SLC17A9: variants seen among roughly 807,000 people sequenced by gnomAD.
The protein encoded by SLC17A9 is voltage-gated purine nucleotide uniporter SLC17A9.
A neutral mutation model predicts 55.0 loss-of-function variants in SLC17A9; 49 were observed. The ratio of observed to expected loss-of-function variants is 0.89; its 90% CI spans 0.71 to 1.13. The LOEUF (loss-of-function observed/expected upper bound fraction) is 1.13, where lower values mean the gene tolerates loss of function less well. SLC17A9 is among the 50% of genes most tolerant of loss of function. The pLI is 0.00. For synonymous variants in SLC17A9, 256 were observed against 247.4 expected (o/e 1.03, Z -0.32); for missense variants, 526 against 569.3 (o/e 0.92, Z 0.77).
chr20:62,967,691 G>A lies in SLC17A9; in HGVS notation c.*191G>A, dbSNP rs910937. 3,413 of 577,940 alleles carry A rather than the reference G, an allele frequency of 5.9e-3. 124 individuals are homozygous for A. In the African/African-American group the frequency reaches 0.062, roughly 10 times the overall value. 35.8% of individuals were successfully genotyped at this position (577,940 alleles called of 1,614,324 possible). ...GGAGGGTGGGGTGGGCCTGGGTCCA[G>A]ACCAGGCTCGCTGCTCTCTGGGCCT... On this transcript the variant is annotated 3_prime_UTR_variant, in exon 13 of 13. Transcript: ENST00000370351.
intron 5 of SLC17A9, 67 bp from the exon 6 acceptor site, chr20:62,963,206 A>G: frequency 6.5e-7 from 1 of 1,536,104 alleles, no homozygotes. Flanking sequence ...CCAAATCCCC[A>G]ATCCTTTGGC....
In SLC17A9 at chr20:62,956,967, C is replaced by A. The variant is rs201649156; in HGVS notation, c.257+5C>A. ...GGGCGGCCACCTCGGGGATCGGTAA[C>A]TGCCCATCTTCCCCATCTCCTGGCT... On this transcript the variant is annotated splice_donor_5th_base_variant and intron_variant, in intron 2 of 12. Coordinates refer to ENST00000370351, the MANE Select transcript of SLC17A9 (RefSeq NM_022082.4). 1.2e-6 allele frequency: 2 copies of A among 1,613,270 alleles called. No individual in the cohort carries two copies. The highest frequency in any genetic ancestry group is 4.5e-5 in the East Asian group (2 of 44,882).
chr20:62,960,449 C>T (rs1182317812), intron 3 of SLC17A9, 55 bp from the exon 4 acceptor site: 7 of 1,531,298 alleles, frequency 4.6e-6, no homozygotes, highest in South Asian at 1.2e-5. Context: ...AGCAGATAGG[C>T]CGGGAGGAGC....
In SLC17A9 at chr20:62,958,168, C is replaced by T. The variant is rs1050696636; in HGVS notation, c.397+588C>T. Among the ~76,000 whole-genome samples the T allele has an allele frequency of 1.3e-5, 2 of 152,094 alleles. No individual in the cohort carries two copies. Among genetic ancestry groups the T allele is most frequent in the Admixed American group, 6.5e-5 (1 of 15,280 alleles). On this transcript the variant is annotated intron_variant, in intron 3 of 12. Transcript: ENST00000370351. This position sits in a 1 kb window ranked among gnomAD's most constrained non-coding sequence, Gnocchi z 4.1. ...GTGAGTGTGCCCGTATGAGGGTGTA[C>T]GTGTGGCCATGTGTGTGCCTTCTGT...
rs754316199 is a variant in SLC17A9, at chr20:62,958,053, G to A, written c.397+473G>A. 2.8e-4 allele frequency among the ~76,000 whole-genome samples: 42 copies of A among 152,222 alleles called. No homozygotes were observed. Among genetic ancestry groups the A allele is most frequent in the Non-Finnish European group, 5.0e-4 (34 of 67,982 alleles). On this transcript the variant is annotated intron_variant, in intron 3 of 12. Transcript: ENST00000370351. The surrounding 1 kb of genome is among the most constrained non-coding windows in gnomAD (Gnocchi z 4.1). ...TTGTGCGTGCAGGTGGTATGCATGC[G>A]TGTGCATGCCTGTATGCATGTGTAT...
chr20:62,959,620 G>T (rs2065571769), intron 3 of SLC17A9, among the ~76,000 whole-genome samples: 1 of 152,250 alleles, frequency 6.6e-6, no homozygotes, highest in African/African-American at 2.4e-5. Flanking sequence ...GCTCCGCCAG[G>T]CGGCCCCCAG....
rs747095008 is a variant in SLC17A9 at position 62,967,381 on chromosome 20, G to A, written c.1192G>A (p.Gly398Ser). Residue 398 changes from glycine (G) to serine (S), a missense_variant, in exon 13 of 13, where the codon GGC becomes AGC. Transcript: ENST00000370351. ...AGGCGGCTACTTGATGGAGACCACG[G>A]GCTCCTGGACTTGCCTGTTCAACCT... ...CLGGYLMETT[G>S]SWTCLFNLVA... is the part of the protein sequence containing the mutation. 9.9e-6 allele frequency: 16 copies of A among 1,614,176 alleles called. No individual in the cohort carries two copies. The East Asian group carries it at 2.7e-4, about 27-fold the overall frequency.
In SLC17A9 at chr20:62,962,725, A is replaced by G; in HGVS notation, c.599A>G (p.Tyr200Cys). The G allele has an allele frequency of 6.2e-7, 1 of 1,613,920 alleles. No individual in the cohort carries two copies. Residue 200 changes from tyrosine (Y) to cysteine (C), a missense_variant, in exon 5 of 13, where the codon TAC (tyrosine) becomes TGC (cysteine). By Grantham distance (194) the Tyr-to-Cys change is radical. Coordinates refer to ENST00000370351, the MANE Select transcript of SLC17A9 (RefSeq NM_022082.4). This position sits in a 1 kb window ranked among gnomAD's most constrained non-coding sequence, Gnocchi z 5.5. ...SGGLTLLWVW[Y>C]VYRYLLSEKD... ...GGCCTCACCTTGCTTTGGGTGTGGT[A>G]CGTGTACAGGTACCTGCTGAGTGAA...
intron 3 of SLC17A9, 150 bp downstream of exon 3, chr20:62,957,730 CTGTG>C (rs1271825979): frequency 2.5e-5 from 15 of 602,616 alleles, no homozygotes; most frequent in African/African-American, 2.0e-4. Flanking sequence ...ATGCGTGCAC[CTGTG>C]TGTGTGTGCG....
chr20:62,967,323 C>T lies in SLC17A9; in HGVS notation c.1148-14C>T. On this transcript the variant is annotated splice_polypyrimidine_tract_variant and intron_variant, in intron 12 of 12. Transcript: ENST00000370351. Reference sequence around the variant, plus strand: ...CCCGGGAGCACTCAGCCCGCCTGGCCCTCTCTTGGGCAGGTGTCGTGGGTG... The same window carrying T: ...CCCGGGAGCACTCAGCCCGCCTGGCTCTCTCTTGGGCAGGTGTCGTGGGTG... The T allele has an allele frequency of 6.2e-7, 1 of 1,613,616 alleles. No individual in the cohort carries two copies. The highest frequency in any genetic ancestry group is 8.5e-7 in the Non-Finnish European group (1 of 1,179,712).
chr20:62,956,771 G>A lies in SLC17A9; in HGVS notation c.66G>A (p.Glu22=), dbSNP rs1460780041. 1.1e-5 allele frequency: 18 copies of A among 1,611,586 alleles called. No homozygotes were observed. Among genetic ancestry groups the A allele is most frequent in the Non-Finnish European group, 1.5e-5 (18 of 1,179,654 alleles). Residue 22 remains glutamate (E), a synonymous_variant, in exon 2 of 13, where the codon GAG becomes GAA. Transcript: ENST00000370351. ...MAGDTQWSRP[E]CQAWTGTLLL... Reference sequence around the variant, plus strand: ...ACCATCTCCTGTCCCACAGGCCCGAGTGCCAGGCATGGACGGGGACGCTGC... The same window carrying A: ...ACCATCTCCTGTCCCACAGGCCCGAATGCCAGGCATGGACGGGGACGCTGC...
In SLC17A9 at chr20:62,969,578, G is replaced by A. The variant is rs1043453384; in HGVS notation, c.*2078G>A. The A allele has an allele frequency of 6.6e-6, 1 of 152,224 alleles. No homozygotes were observed. Among genetic ancestry groups the A allele is most frequent in the African/African-American group, 2.4e-5 (1 of 41,456 alleles). The allele number at this position is 152,224 out of a possible 1,614,324, so 9.4% of individuals were successfully genotyped here. On this transcript the variant is annotated 3_prime_UTR_variant, in exon 13 of 13. Transcript: ENST00000370351. The stretch of plus-strand genomic sequence containing the variant: ...TTTTTAAGGCTGAATAAAATATTGT[G>A]TGGATAAGCCATGTTTTGTGTATCT...
Position 62,964,320 on chromosome 20 carries a change from G to A in SLC17A9, c.910+5G>A, listed in dbSNP as rs1195698992. On this transcript the variant is annotated splice_donor_5th_base_variant and intron_variant, in intron 8 of 12. Transcript: ENST00000370351. Reference sequence around the variant, plus strand: ...CTGATCATCTCATCAATCAGGGTGAGCCCCAGGGAGGGGACCGGGGCTGGA... The same window carrying A: ...CTGATCATCTCATCAATCAGGGTGAACCCCAGGGAGGGGACCGGGGCTGGA... The A allele has an allele frequency of 8.7e-6, 14 of 1,614,004 alleles. No homozygotes were observed. The highest frequency in any genetic ancestry group is 1.6e-4 in the Middle Eastern group (1 of 6,084).
intron 7 of SLC17A9, 36 bp from the exon 8 acceptor site, chr20:62,964,192 C>T (rs762931088): frequency 4.4e-6 from 7 of 1,601,150 alleles, no homozygotes; most frequent in Non-Finnish European, 6.0e-6. Flanking sequence ...CAGATGCCGG[C>T]CCTGGCCCCC....
intron 6 of SLC17A9, 28 bp from the exon 7 acceptor site, chr20:62,963,556 A>G: frequency 1.3e-6 from 2 of 1,572,334 alleles, no homozygotes; most frequent in South Asian, 1.2e-5. Context: ...GCGGCACCAG[A>G]GTCACGGTCC....
chr20:62,963,471 A>G, intron 6 of SLC17A9, 102 bp downstream of exon 6: 9 of 1,507,738 alleles, frequency 6.0e-6, no homozygotes, highest in Non-Finnish European at 8.1e-6. Context: ...AGCAGGGCCT[A>G]GGGCTCAGAG....
chr20:62,957,902 C>G (rs571613281), intron 3 of SLC17A9, among the ~76,000 whole-genome samples: 1 of 151,670 alleles, frequency 6.6e-6, no homozygotes, highest in Non-Finnish European at 1.5e-5. Context: ...CATGCGTGCA[C>G]CTGTGTGTGT....
chr20:62,963,687 C>A lies in SLC17A9; in HGVS notation c.822+7C>A. On this transcript the variant is annotated splice_region_variant and intron_variant, in intron 7 of 12. Transcript: ENST00000370351. ...GACCTTCCCCGACGCCAAGGTGAGTCGGGGGCTCCCGCAGGGTGAAGGAGC... is the reference window on the plus strand; with the variant it reads ...GACCTTCCCCGACGCCAAGGTGAGTAGGGGGCTCCCGCAGGGTGAAGGAGC... 3 of 1,576,414 alleles carry A rather than the reference C, an allele frequency of 1.9e-6. No homozygotes were observed. The South Asian group carries it at 3.5e-5, about 18-fold the overall frequency.
At position 62,963,619 on chromosome 20, in the gene SLC17A9, C is replaced by G. The variant is rs923703820; in HGVS notation, c.761C>G (p.Ser254Cys). 3 of 1,603,052 alleles carry G rather than the reference C, an allele frequency of 1.9e-6. No individual in the cohort carries two copies. The African/African-American group carries it at 4.0e-5, about 21-fold the overall frequency. ...GTCTCCCAGCTCTCTGCAGCCTGCT[C>G]CTTCTTCATCCTCCTCTCCTGGCTG... ...AVVSQLSAAC[S>C]FFILLSWLPT... is the part of the protein sequence containing the mutation. Residue 254 changes from serine (S) to cysteine (C), a missense_variant, in exon 7 of 13, where the codon TCC becomes TGC. Coordinates refer to ENST00000370351, the MANE Select transcript of SLC17A9 (RefSeq NM_022082.4).
Sources: allele counts gnomAD v4.1 joint callset (sites outside exome capture counted in the v4.1 genomes callset), GRCh38; gene constraint gnomAD v4.1.1; non-coding constraint Gnocchi (gnomAD v3.1); transcripts MANE v1.5; gene names NCBI Gene and HGNC (gene_info 2026-07-23, HGNC 2026-07-21).